Variants in MALRD1 observed in about 807,000 individuals in gnomAD.
The protein encoded by MALRD1 is MAM and LDL receptor class A domain containing 1, also known as MAM and LDL-receptor class A domain-containing protein 1.
Under a neutral mutation model 242.1 loss-of-function variants are expected in MALRD1, and 247 were observed. That is an observed-to-expected ratio of 1.02 (90% CI 0.92 to 1.13). The LOEUF is 1.13. Ranked by LOEUF, MALRD1 falls within the 50% of genes most tolerant of loss-of-function variation. The pLI, the probability that MALRD1 is intolerant of heterozygous loss-of-function variation, is 0.00. For missense variants in MALRD1, 2,989 were observed against 2,533.1 expected (o/e 1.18, Z -3.86); for synonymous variants, 995 against 866.6 (o/e 1.15, Z -2.60).
intron 19 of MALRD1, among the ~76,000 whole-genome samples, chr10:19,266,725 T>C (rs1460379408): frequency 1.3e-5 from 2 of 152,042 alleles, no homozygotes; most frequent in African/African-American, 4.8e-5. Context: ...TTCTTATTTT[T>C]AATCTAATCC....
chr10:19,539,055 A>G (rs540751212), intron 32 of MALRD1, among the ~76,000 whole-genome samples: 3 of 152,282 alleles, frequency 2.0e-5, no homozygotes, highest in South Asian at 2.1e-4. Context: ...TTTTGTTTCA[A>G]TGTAATATTT....
At chr10:19,248,101 G>T (rs1219233342) in intron 18 of MALRD1, among the ~76,000 whole-genome samples, 1 of 151,990 alleles carries the variant, frequency 6.6e-6, no homozygotes, top group Non-Finnish European at 1.5e-5. Flanking sequence ...TGCTGTGATT[G>T]GCAGACAGTC....
At chr10:19,610,295 T>A (rs1838835462) in intron 35 of MALRD1, among the ~76,000 whole-genome samples, 1 of 151,944 alleles carries the variant, frequency 6.6e-6, no homozygotes, top group Non-Finnish European at 1.5e-5. Flanking sequence ...ATTACCCTAC[T>A]GTGCAGTAGA....
chr10:19,274,868 G>T (rs971631222), intron 19 of MALRD1, among the ~76,000 whole-genome samples: 5 of 151,956 alleles, frequency 3.3e-5, no homozygotes, highest in African/African-American at 1.2e-4. Flanking sequence ...TATAGTTTCT[G>T]GTTTTTGAGA....
chr10:19,634,434 C>T (rs75165253), intron 36 of MALRD1, among the ~76,000 whole-genome samples: 3,084 of 152,100 alleles, frequency 0.02, 80 homozygotes, highest in African/African-American at 0.063. Context: ...GAGTGCCCAT[C>T]ACATTATTGG....
intron 14 of MALRD1, among the ~76,000 whole-genome samples, chr10:19,191,228 C>G (rs1835961213): frequency 2.0e-5 from 3 of 152,064 alleles, no homozygotes; most frequent in Admixed American, 6.5e-5. Context: ...CCAACATCAC[C>G]AACATTAGGG....
chr10:19,206,942 T>G (rs1397955225), intron 17 of MALRD1, among the ~76,000 whole-genome samples: 1 of 152,182 alleles, frequency 6.6e-6, no homozygotes, highest in Admixed American at 6.5e-5. Context: ...ACATCACAGC[T>G]GGTCTTGATT....
intron 31 of MALRD1, among the ~76,000 whole-genome samples, chr10:19,518,000 C>G (rs929422976): frequency 5.3e-5 from 8 of 152,176 alleles, no homozygotes; most frequent in African/African-American, 1.7e-4. Flanking sequence ...GTTCAGAGAG[C>G]TCTGCCTGAG....
intron 33 of MALRD1, among the ~76,000 whole-genome samples, chr10:19,587,518 T>C (rs374177487): frequency 6.6e-6 from 1 of 152,252 alleles, no homozygotes; most frequent in Non-Finnish European, 1.5e-5. Flanking sequence ...TTGGGCACTT[T>C]AGGCTTTTAT....
intron 8 of MALRD1, among the ~76,000 whole-genome samples, chr10:19,130,863 A>G (rs1435397382): frequency 6.6e-6 from 1 of 152,162 alleles, no homozygotes; most frequent in African/African-American, 2.4e-5. Context: ...ATCATATAAA[A>G]ATGACGTTAG....
intron 36 of MALRD1, 96 bp from the exon 37 acceptor site, chr10:19,692,186 A>G: frequency 1.0e-6 from 1 of 952,558 alleles, no homozygotes; most frequent in Admixed American, 3.1e-5. Context: ...GTATCTCGTT[A>G]TTTATTGACA....
At chr10:19,449,465 G>A (rs11010004) in intron 28 of MALRD1, among the ~76,000 whole-genome samples, 5,541 of 152,260 alleles carry the variant, frequency 0.036, 120 homozygotes, top group Middle Eastern at 0.071. Flanking sequence ...TCCAAAATAC[G>A]TGTGTTGCGA....
intron 31 of MALRD1, among the ~76,000 whole-genome samples, chr10:19,518,366 A>G (rs1056839717): frequency 2.6e-5 from 4 of 152,202 alleles, no homozygotes; most frequent in Admixed American, 2.0e-4. Flanking sequence ...TTGTGCAGAT[A>G]TTATCATTTC....
At chr10:19,572,396 T>C (rs143509444) in intron 33 of MALRD1, among the ~76,000 whole-genome samples, 13 of 152,336 alleles carry the variant, frequency 8.5e-5, no homozygotes, top group African/African-American at 2.6e-4. Context: ...AGGACATTGA[T>C]ACTTTTAAAA....
intron 28 of MALRD1, among the ~76,000 whole-genome samples, chr10:19,408,735 C>T (rs570850982): frequency 3.9e-5 from 6 of 151,916 alleles, no homozygotes; most frequent in South Asian, 4.1e-4. Context: ...CACTACACGC[C>T]GACCAGAATA....
At chr10:19,206,988 C>T (rs1836814949) in intron 17 of MALRD1, among the ~76,000 whole-genome samples, 1 of 152,210 alleles carries the variant, frequency 6.6e-6, no homozygotes, top group Admixed American at 6.5e-5. Flanking sequence ...GAAAGCTCAT[C>T]TCCCACTTGA....
intron 38 of MALRD1, among the ~76,000 whole-genome samples, chr10:19,721,010 T>C (rs1834720674): frequency 6.6e-6 from 1 of 151,580 alleles, no homozygotes; most frequent in Non-Finnish European, 1.5e-5. Context: ...CCTTAGGTTA[T>C]AAAGCCAGGG....
intron 34 of MALRD1, among the ~76,000 whole-genome samples, chr10:19,597,257 G>A (rs1449423349): frequency 6.6e-6 from 1 of 152,104 alleles, no homozygotes; most frequent in East Asian, 1.9e-4. Flanking sequence ...ATGTAATTTG[G>A]CTGATAGAAA....
chr10:19,048,763 T>C, upstream of MALRD1: 2 of 423,656 alleles, frequency 4.7e-6, no homozygotes, highest in Non-Finnish European at 8.0e-6. Context: ...AGTCACTCCT[T>C]TGAAAGAGCA....
Sources: allele counts gnomAD v4.1 joint callset (sites outside exome capture counted in the v4.1 genomes callset), GRCh38; gene constraint gnomAD v4.1.1; transcripts MANE v1.5; gene names NCBI Gene and HGNC (gene_info 2026-07-23, HGNC 2026-07-21).